Variants in TSHZ2 observed in about 807,000 individuals in gnomAD.
The protein encoded by TSHZ2 is teashirt zinc finger homeobox 2.
A neutral mutation model predicts 74.4 loss-of-function variants in TSHZ2; 21 were observed. That is an observed-to-expected ratio of 0.28 (90% CI 0.20 to 0.41). The LOEUF (loss-of-function observed/expected upper bound fraction) is 0.41, where lower values mean the gene tolerates loss of function less well. Ranked by LOEUF, TSHZ2 falls within the 10% of genes least tolerant of loss-of-function variation. The probability of loss-of-function intolerance (pLI) is 1.00; values close to 1 mark genes in which losing one functional copy is unlikely to be tolerated. For missense variants in TSHZ2, 1,244 were observed against 1,293.5 expected (o/e 0.96, Z 0.59); for synonymous variants, 540 against 515.3 (o/e 1.05, Z -0.65).
intron 2 of TSHZ2, among the ~76,000 whole-genome samples, chr20:53,473,963 A>G (rs1365149557): frequency 6.6e-6 from 1 of 151,998 alleles, no homozygotes; most frequent in African/African-American, 2.4e-5. Context: ...GAGAAAAAAG[A>G]ATAAAAAGAA....
chr20:53,034,275 T>C (rs186719334), intron 1 of TSHZ2, among the ~76,000 whole-genome samples: 20 of 152,332 alleles, frequency 1.3e-4, no homozygotes, highest in Non-Finnish European at 2.6e-4. Flanking sequence ...CTCAGTTTTC[T>C]CATTTACAAG....
intron 1 of TSHZ2, among the ~76,000 whole-genome samples, chr20:53,154,195 A>G (rs1600714952): frequency 6.6e-6 from 1 of 152,320 alleles, no homozygotes; most frequent in South Asian, 2.1e-4. Flanking sequence ...AGGGGACTTG[A>G]AAAAGAGCTT....
intron 2 of TSHZ2, among the ~76,000 whole-genome samples, chr20:53,288,846 G>A (rs1264679773): frequency 6.6e-6 from 1 of 151,986 alleles, no homozygotes; most frequent in Non-Finnish European, 1.5e-5. Flanking sequence ...TGGTTTTGGG[G>A]AAACAGGTGG....
intron 1 of TSHZ2, among the ~76,000 whole-genome samples, chr20:53,060,582 C>G (rs1789565472): frequency 6.6e-6 from 1 of 152,204 alleles, no homozygotes; most frequent in Admixed American, 6.5e-5. Context: ...ATTTCCATCA[C>G]TCAGAAACAG....
chr20:53,120,471 G>C (rs1385278823), intron 1 of TSHZ2, among the ~76,000 whole-genome samples: 2 of 152,082 alleles, frequency 1.3e-5, no homozygotes, highest in Non-Finnish European at 2.9e-5. Context: ...CGTAAGAATG[G>C]GGAAATAAAT....
At chr20:53,127,425 T>G (rs1986976263) in intron 1 of TSHZ2, among the ~76,000 whole-genome samples, 1 of 152,254 alleles carries the variant, frequency 6.6e-6, no homozygotes, top group Non-Finnish European at 1.5e-5. Flanking sequence ...AAGCTATGGC[T>G]GGGCATAGTG....
intron 2 of TSHZ2, among the ~76,000 whole-genome samples, chr20:53,266,021 A>G (rs973014097): frequency 2.6e-5 from 4 of 152,146 alleles, no homozygotes; most frequent in African/African-American, 9.7e-5. Context: ...CTGACCCTCC[A>G]CTTTAGACTG....
At chr20:52,999,084 ACCACGTTCTACTCTTCACTG>A (rs796193891) in intron 1 of TSHZ2, among the ~76,000 whole-genome samples, 3,399 of 151,018 alleles carry the variant, frequency 0.023, 149 homozygotes, top group African/African-American at 0.079. Context: ...AGAGCTGAAA[ACCACGTTCTACTCTTCACTG>A]CCACATTCCA....
intron 1 of TSHZ2, among the ~76,000 whole-genome samples, chr20:53,100,303 G>A (rs747430565): frequency 8.5e-5 from 13 of 152,184 alleles, no homozygotes; most frequent in Admixed American, 2.0e-4. Flanking sequence ...TTGCCTTCCC[G>A]TTTTCCAGGT....
intron 2 of TSHZ2, among the ~76,000 whole-genome samples, chr20:53,283,045 T>C (rs1991095021): frequency 1.3e-5 from 2 of 152,230 alleles, no homozygotes; most frequent in Admixed American, 1.3e-4. Flanking sequence ...ATCAAAGCCC[T>C]GAAGACACAA....
chr20:53,113,802 T>G (rs1986597729), intron 1 of TSHZ2, among the ~76,000 whole-genome samples: 2 of 152,170 alleles, frequency 1.3e-5, no homozygotes, highest in African/African-American at 4.8e-5. Context: ...TTAATAAGTA[T>G]TAGTGTTTTA....
intron 1 of TSHZ2, among the ~76,000 whole-genome samples, chr20:53,050,178 CATATATATGTATAT>C: frequency 1.5e-5 from 2 of 137,306 alleles, no homozygotes. Flanking sequence ...CATATATACA[CATATATATGTATAT>C]ATATATATGT....
intron 2 of TSHZ2, among the ~76,000 whole-genome samples, chr20:53,358,018 C>G (rs1980908405): frequency 6.6e-6 from 1 of 152,164 alleles, no homozygotes; most frequent in Non-Finnish European, 1.5e-5. Context: ...GAAAACTATT[C>G]CTGGAAAGAA....
chr20:53,402,807 G>A (rs1006273512), intron 2 of TSHZ2, among the ~76,000 whole-genome samples: 1 of 152,162 alleles, frequency 6.6e-6, no homozygotes, highest in East Asian at 1.9e-4. Context: ...TGCCCCAAGT[G>A]GGGTGGAGGA....
intron 1 of TSHZ2, among the ~76,000 whole-genome samples, chr20:53,000,173 G>A (rs188321663): frequency 2.7e-4 from 41 of 152,274 alleles, no homozygotes; most frequent in African/African-American, 8.7e-4. Flanking sequence ...TGAGCTAAAC[G>A]CCACCTGTTT....
At chr20:53,472,469 G>C (rs1264124859) in intron 2 of TSHZ2, among the ~76,000 whole-genome samples, 1 of 152,166 alleles carries the variant, frequency 6.6e-6, no homozygotes, top group East Asian at 1.9e-4. Context: ...TAAGGATTGG[G>C]GGTGCAAGCA....
chr20:53,133,459 G>A (rs1333808283), intron 1 of TSHZ2, among the ~76,000 whole-genome samples: 2 of 152,160 alleles, frequency 1.3e-5, no homozygotes, highest in Non-Finnish European at 2.9e-5. Context: ...TACCCCAGAG[G>A]TAGCACATAT....
At chr20:53,030,983 C>A (rs772133388) in intron 1 of TSHZ2, among the ~76,000 whole-genome samples, 5 of 152,090 alleles carry the variant, frequency 3.3e-5, no homozygotes, top group African/African-American at 7.2e-5. Flanking sequence ...ATTAACTTCG[C>A]CTTATTGCTG....
At chr20:53,113,349 G>A (rs886071569) in intron 1 of TSHZ2, among the ~76,000 whole-genome samples, 9 of 151,896 alleles carry the variant, frequency 5.9e-5, no homozygotes, top group Non-Finnish European at 7.4e-5. Context: ...TCTGTACTTC[G>A]TTGTTCGTTA....
Sources: allele counts gnomAD v4.1 joint callset (sites outside exome capture counted in the v4.1 genomes callset), GRCh38; gene constraint gnomAD v4.1.1; transcripts MANE v1.5; gene names NCBI Gene and HGNC (gene_info 2026-07-23, HGNC 2026-07-21).